The following RYR2 variants were observed in gnomAD, a reference collection of about 807,000 sequenced individuals.
RYR2 encodes cardiac muscle ryanodine receptor-calcium release channel.
In RYR2, 227 loss-of-function variants were observed where a neutral mutation model predicts 601.1. That is an observed-to-expected ratio of 0.38 (90% CI 0.34 to 0.42). The LOEUF is 0.42. Ranked by LOEUF, RYR2 falls within the 10% of genes least tolerant of loss-of-function variation. RYR2 has a pLI of 1.00. For missense variants in RYR2, 4,646 were observed against 6,156.5 expected (o/e 0.75, Z 8.21); for synonymous variants, 2,223 against 2,175.1 (o/e 1.02, Z -0.61).
chr1:237,105,171 T>C (rs1478670207), intron 1 of RYR2, among the ~76,000 whole-genome samples: 1 of 152,170 alleles, frequency 6.6e-6, no homozygotes, highest in Non-Finnish European at 1.5e-5. Context: ...TGGGGAAGGC[T>C]GAAATTTTAT....
chr1:237,462,327 A>G (rs1441736382), intron 16 of RYR2, among the ~76,000 whole-genome samples: 3 of 152,304 alleles, frequency 2.0e-5, no homozygotes, highest in Admixed American at 2.0e-4. Context: ...TTTGCATTCG[A>G]CATGGATATA....
intron 21 of RYR2, among the ~76,000 whole-genome samples, chr1:237,502,113 G>A (rs1664702886): frequency 2.0e-5 from 3 of 152,166 alleles, no homozygotes; most frequent in Admixed American, 2.0e-4. Context: ...ACCTGTGACT[G>A]TGTCACTGCA....
At chr1:237,509,037 C>T (rs56807123) in intron 23 of RYR2, among the ~76,000 whole-genome samples, 9,435 of 152,118 alleles carry the variant, frequency 0.062, 921 homozygotes, top group African/African-American at 0.21. Flanking sequence ...CCACCGCGCC[C>T]GGCCAGGGTT....
chr1:237,349,082 G>A (rs1698539087), intron 3 of RYR2, among the ~76,000 whole-genome samples: 1 of 152,092 alleles, frequency 6.6e-6, no homozygotes, highest in Non-Finnish European at 1.5e-5. Flanking sequence ...TGATGGATTT[G>A]GAGCTACAAT....
At chr1:237,068,796 G>A (rs1233418223) in intron 1 of RYR2, among the ~76,000 whole-genome samples, 7 of 152,120 alleles carry the variant, frequency 4.6e-5, no homozygotes, top group Non-Finnish European at 1.0e-4. Flanking sequence ...GGCTTTTGGT[G>A]TATAAAATGA....
At chr1:237,636,756 T>C (rs1230737625) in intron 44 of RYR2, among the ~76,000 whole-genome samples, 6 of 152,216 alleles carry the variant, frequency 3.9e-5, no homozygotes, top group African/African-American at 1.2e-4. Flanking sequence ...TTATTCGTCA[T>C]AGCCAAAAAG....
chr1:237,650,149 A>C (rs1682582432), intron 50 of RYR2, 52 bp downstream of exon 50: 1 of 1,496,230 alleles, frequency 6.7e-7, no homozygotes, highest in Admixed American at 1.8e-5. Context: ...AACAGAATTT[A>C]CAATGTGGCC....
chr1:237,457,143 G>A (rs1265589317), intron 16 of RYR2, among the ~76,000 whole-genome samples: 2 of 152,094 alleles, frequency 1.3e-5, no homozygotes, highest in African/African-American at 2.4e-5. Flanking sequence ...CAGATGAGGG[G>A]CCTTTATATG....
intron 73 of RYR2, among the ~76,000 whole-genome samples, chr1:237,719,696 C>G (rs1419223189): frequency 6.6e-6 from 1 of 152,104 alleles, no homozygotes; most frequent in Non-Finnish European, 1.5e-5. Flanking sequence ...TACATTTCCA[C>G]ATAAGGCTGC....
At chr1:237,297,478 G>A (rs1692905789) in intron 2 of RYR2, among the ~76,000 whole-genome samples, 1 of 152,118 alleles carries the variant, frequency 6.6e-6, no homozygotes, top group Non-Finnish European at 1.5e-5. Context: ...TAGACTTAAA[G>A]ACTTCAGTAC....
Position 237,610,746 on chromosome 1 carries a change from C to T in RYR2, c.4684-16C>T, listed in dbSNP as rs1325988454. 1 of 1,571,136 alleles carries T rather than the reference C, an allele frequency of 6.4e-7. No individual in the cohort carries two copies. Among genetic ancestry groups the T allele is most frequent in the Non-Finnish European group, 8.7e-7 (1 of 1,155,714 alleles). ...ATGTTCTACATTTATTCTTTTTCTGCCTCCCCATCCGCTAGAATGTGATGC... is the reference window on the plus strand; with the variant it reads ...ATGTTCTACATTTATTCTTTTTCTGTCTCCCCATCCGCTAGAATGTGATGC... On this transcript the variant is annotated splice_polypyrimidine_tract_variant and intron_variant, in intron 35 of 104. Transcript: ENST00000366574. This position sits in a 1 kb window ranked among gnomAD's most constrained non-coding sequence, Gnocchi z 4.9.
At chr1:237,198,468 A>G (rs1026335558) in intron 1 of RYR2, among the ~76,000 whole-genome samples, 1 of 143,186 alleles carries the variant, frequency 7.0e-6, no homozygotes, top group Non-Finnish European at 1.5e-5. Context: ...TTGGTATGGA[A>G]GTATTTTCCT....
intron 27 of RYR2, among the ~76,000 whole-genome samples, chr1:237,551,620 T>C (rs1402104931): frequency 6.6e-6 from 1 of 152,148 alleles, no homozygotes; most frequent in Non-Finnish European, 1.5e-5. Context: ...ATACCCATTT[T>C]CAAAAAATTG....
chr1:237,756,541 C>G (rs943472769), intron 81 of RYR2, among the ~76,000 whole-genome samples, 154 bp downstream of exon 81: 9 of 152,090 alleles, frequency 5.9e-5, no homozygotes, highest in African/African-American at 2.2e-4. Context: ...TACGAGCTCT[C>G]ATTGTTTACG....
intron 79 of RYR2, 48 bp downstream of exon 79, chr1:237,733,804 A>C: frequency 7.9e-7 from 1 of 1,266,852 alleles, no homozygotes; most frequent in East Asian, 2.3e-5. Context: ...TAATAAAGGG[A>C]AGTAACTTTC....
chr1:237,324,125 G>A (rs1226650512), intron 2 of RYR2, among the ~76,000 whole-genome samples: 6 of 152,144 alleles, frequency 3.9e-5, no homozygotes, highest in Non-Finnish European at 5.9e-5. Context: ...AGGAAAAAGT[G>A]AACTAAGATT....
At chr1:237,821,609 C>T (rs1404531606) in intron 101 of RYR2, among the ~76,000 whole-genome samples, 1 of 151,956 alleles carries the variant, frequency 6.6e-6, no homozygotes, top group African/African-American at 2.4e-5. Flanking sequence ...AACTGGAACA[C>T]CTCCTCTCCT....
chr1:237,488,058 A>G (rs537975353), intron 17 of RYR2, among the ~76,000 whole-genome samples: 2 of 152,262 alleles, frequency 1.3e-5, no homozygotes, highest in East Asian at 3.9e-4. Flanking sequence ...TACGCTATTT[A>G]CTTCCAAAAT....
At chr1:237,750,671 A>G (rs907158282) in intron 80 of RYR2, among the ~76,000 whole-genome samples, 2 of 152,098 alleles carry the variant, frequency 1.3e-5, no homozygotes, top group African/African-American at 2.4e-5. Flanking sequence ...GTAAAATTCA[A>G]TAGCATTTTT....
Sources: gnomAD v4.1 joint callset for allele counts (sites outside exome capture counted in the v4.1 genomes callset) on GRCh38, gnomAD v4.1.1 for gene constraint, Gnocchi (gnomAD v3.1) non-coding constraint, MANE v1.5 for transcripts, NCBI Gene and HGNC (gene_info 2026-07-23, HGNC 2026-07-21) for gene names.